The following IFT43 variants were observed in gnomAD, a reference collection of about 807,000 sequenced individuals.
The protein encoded by IFT43 is intraflagellar transport protein 43 homolog.
In IFT43, 33 loss-of-function variants were observed where a neutral mutation model predicts 32.3. That is an observed-to-expected ratio of 1.02 (90% CI 0.77 to 1.37). The LOEUF is 1.37. Ranked by LOEUF, IFT43 falls within the 40% of genes most tolerant of loss-of-function variation. IFT43 has a pLI of 0.00. For synonymous variants in IFT43, 93 were observed against 98.2 expected (o/e 0.95, Z 0.31); for missense variants, 274 against 265.9 (o/e 1.03, Z -0.21).
intron 3 of IFT43, among the ~76,000 whole-genome samples, chr14:76,056,689 TC>T (rs1276678967): frequency 2.8e-4 from 43 of 152,176 alleles, no homozygotes; most frequent in African/African-American, 1.0e-3. Flanking sequence ...TCCAAGCACA[TC>T]TACCCTTGGT....
intron 3 of IFT43, among the ~76,000 whole-genome samples, chr14:76,050,199 C>T (rs117358046): frequency 0.014 from 2,185 of 152,310 alleles, 25 homozygotes; most frequent in Non-Finnish European, 0.02. Context: ...CTTTAGTGCT[C>T]CTGTGACAGT....
Position 76,031,244 on chromosome 14 carries a change from G to A in IFT43, c.215+8850G>A, listed in dbSNP as rs1196938229. The stretch of plus-strand genomic sequence containing the variant: ...TTAAAAATTGAGATTGCTGATCCAC[G>A]TGGAATTTATTTTGGTGTATGGTTT... On this transcript the variant is annotated intron_variant, in intron 3 of 8. Coordinates refer to ENST00000314067, the MANE Select transcript of IFT43 (RefSeq NM_001102564.3). Among the ~76,000 whole-genome samples, 4 of 152,104 alleles carry A rather than the reference G, an allele frequency of 2.6e-5. No individual in the cohort carries two copies. The East Asian group carries it at 5.8e-4, about 22-fold the overall frequency.
chr14:76,014,647 A>G (rs2036148857), intron 2 of IFT43, among the ~76,000 whole-genome samples: 2 of 151,932 alleles, frequency 1.3e-5, no homozygotes, highest in African/African-American at 2.4e-5. Context: ...CACTTTGCCC[A>G]TAAACTTCCT....
intron 3 of IFT43, among the ~76,000 whole-genome samples, chr14:76,046,599 C>A (rs751877034): frequency 6.6e-6 from 1 of 152,196 alleles, no homozygotes; most frequent in Non-Finnish European, 1.5e-5. Flanking sequence ...ACAACCATCA[C>A]CACAATAATG....
chr14:76,053,018 T>C (rs1334705335), intron 3 of IFT43, among the ~76,000 whole-genome samples: 1 of 152,174 alleles, frequency 6.6e-6, no homozygotes, highest in Non-Finnish European at 1.5e-5. Context: ...CCTGCTTGCA[T>C]TCTGGCCCTA....
intron 3 of IFT43, among the ~76,000 whole-genome samples, chr14:76,055,463 C>T (rs2036995041): frequency 6.6e-6 from 1 of 151,888 alleles, no homozygotes. Context: ...ATTTTCAGCA[C>T]ATGGTGTTTT....
At position 76,082,270 on chromosome 14, in the gene IFT43, G is replaced by A. The variant is rs201943188; in HGVS notation, c.296-25G>A. ...ACAATCCCTATGAGTTCTGCAGACA[G>A]TGTTGCCTCTGCCTCTCCTTGCAGA... On this transcript the variant is annotated intron_variant, in intron 5 of 8. Coordinates refer to ENST00000314067, the MANE Select transcript of IFT43 (RefSeq NM_001102564.3). 1.4e-4 allele frequency: 226 copies of A among 1,608,874 alleles called. 1 individual carries two copies. Among genetic ancestry groups the A allele is most frequent in the Non-Finnish European group, 9.4e-6 (11 of 1,175,142 alleles).
At chr14:75,987,735 T>C (rs2035556487) in intron 1 of IFT43, among the ~76,000 whole-genome samples, 1 of 152,224 alleles carries the variant, frequency 6.6e-6, no homozygotes, top group African/African-American at 2.4e-5. Context: ...GTTTTGTTTA[T>C]GTGCTGGGAA....
At chr14:76,048,752 C>T (rs1223238118) in intron 3 of IFT43, among the ~76,000 whole-genome samples, 11 of 152,192 alleles carry the variant, frequency 7.2e-5, no homozygotes. Context: ...TTTCACAGCA[C>T]CCATTGTAAA....
intron 3 of IFT43, among the ~76,000 whole-genome samples, chr14:76,055,568 G>C (rs1329125603): frequency 6.6e-6 from 1 of 152,128 alleles, no homozygotes; most frequent in African/African-American, 2.4e-5. Flanking sequence ...TCACTCGTGG[G>C]TCATGACCTG....
intron 3 of IFT43, among the ~76,000 whole-genome samples, chr14:76,031,367 T>C (rs938613768): frequency 6.6e-6 from 1 of 152,238 alleles, no homozygotes; most frequent in Non-Finnish European, 1.5e-5. Context: ...TTCTAAATCT[T>C]TGTACTTACC....
At chr14:76,069,662 C>T (rs768068817) in intron 5 of IFT43, among the ~76,000 whole-genome samples, 1 of 152,242 alleles carries the variant, frequency 6.6e-6, no homozygotes, top group Non-Finnish European at 1.5e-5. Flanking sequence ...AAAAGTTCAT[C>T]TCAGAGCTAA....
At chr14:76,072,348 T>A (rs1313068433) in intron 5 of IFT43, among the ~76,000 whole-genome samples, 1 of 152,150 alleles carries the variant, frequency 6.6e-6, no homozygotes, top group Non-Finnish European at 1.5e-5. Context: ...AGAGCATCAC[T>A]GGGCCATGAG....
At chr14:76,044,963 C>G (rs4903372) in intron 3 of IFT43, among the ~76,000 whole-genome samples, 4 of 152,086 alleles carry the variant, frequency 2.6e-5, no homozygotes, top group Non-Finnish European at 4.4e-5. Flanking sequence ...GCACATATAA[C>G]GTACAAAATA....
At chr14:75,986,351 G>T in intron 1 of IFT43, 1 of 1,149,986 alleles carries the variant, frequency 8.7e-7, no homozygotes, top group East Asian at 6.0e-5. Flanking sequence ...AGTTACCTCA[G>T]TAGTTAAGGA....
chr14:75,991,088 C>T (rs2035629515), intron 2 of IFT43, among the ~76,000 whole-genome samples: 1 of 152,164 alleles, frequency 6.6e-6, no homozygotes, highest in Non-Finnish European at 1.5e-5. Context: ...CCCTGTAACC[C>T]CAGCACTTTG....
chr14:76,011,857 C>T (rs1382554659), intron 2 of IFT43, among the ~76,000 whole-genome samples: 3 of 152,106 alleles, frequency 2.0e-5, no homozygotes, highest in Non-Finnish European at 4.4e-5. Flanking sequence ...TGGAACTGTG[C>T]GTGGAGGACA....
At chr14:76,043,369 C>CTCGTG (rs59820229) in intron 3 of IFT43, among the ~76,000 whole-genome samples, 49,556 of 151,694 alleles carry the variant, frequency 0.33, 8,089 homozygotes, top group Admixed American at 0.35. Context: ...TAGAGAAGAG[C>CTCGTG]TCGTGTGCAG....
chr14:76,082,773 A>G, intron 7 of IFT43, 81 bp downstream of exon 7: 1 of 1,061,904 alleles, frequency 9.4e-7, no homozygotes, highest in Non-Finnish European at 1.5e-6. Flanking sequence ...GTTCCTCCCA[A>G]GCTATACAGC....
Sources: allele counts gnomAD v4.1 joint callset (sites outside exome capture counted in the v4.1 genomes callset), GRCh38; gene constraint gnomAD v4.1.1; transcripts MANE v1.5; gene names NCBI Gene and HGNC (gene_info 2026-07-23, HGNC 2026-07-21).